NOX4: variants seen among roughly 807,000 people sequenced by gnomAD.
NOX4 encodes the protein NADPH oxidase 4.
NOX4 carries 69 observed loss-of-function variants against 87.6 expected under a neutral mutation model. The ratio of observed to expected loss-of-function variants is 0.79; its 90% CI spans 0.65 to 0.96. NOX4 has a LOEUF of 0.96. Ranked by LOEUF, NOX4 falls within the 40% of genes least tolerant of loss-of-function variation. NOX4 has a pLI of 0.00. For synonymous variants in NOX4, 275 were observed against 238.2 expected, an observed-to-expected ratio of 1.15 and a Z score of -1.42; for missense variants, 680 against 681.5, an observed-to-expected ratio of 1.00 and a Z score of 0.02.
chr11:89,328,590 T>G (rs1332268629), intron 17 of NOX4, among the ~76,000 whole-genome samples: 17 of 152,106 alleles, frequency 1.1e-4, no homozygotes, highest in Admixed American at 9.2e-4. Context: ...AACTTTAAAA[T>G]GTACAGAAAT....
intron 8 of NOX4, among the ~76,000 whole-genome samples, chr11:89,416,846 C>A (rs1448741477): frequency 1.3e-5 from 2 of 152,112 alleles, no homozygotes; most frequent in East Asian, 3.9e-4. Context: ...CTCTTGCTAA[C>A]AAGTAGTGCC....
chr11:89,338,237 C>T (rs2135378735), intron 15 of NOX4, among the ~76,000 whole-genome samples: 1 of 152,182 alleles, frequency 6.6e-6, no homozygotes, highest in Admixed American at 6.6e-5. Flanking sequence ...CTATAAGTGA[C>T]AGCATAATAT....
the NOX4 span, among the ~76,000 whole-genome samples, chr11:89,519,209 A>G: frequency 9.2e-5 from 14 of 152,202 alleles, no homozygotes; most frequent in African/African-American, 3.4e-4. Context: ...GCATAAAAGA[A>G]AGTCACTTCA....
At chr11:89,422,185 TG>T (rs1943118905) in intron 7 of NOX4, among the ~76,000 whole-genome samples, 1 of 152,186 alleles carries the variant, frequency 6.6e-6, no homozygotes, top group South Asian at 2.1e-4. Context: ...TTTATCATTT[TG>T]TAAGTTCTTT....
At chr11:89,327,903 A>T (rs1945285882) in intron 17 of NOX4, among the ~76,000 whole-genome samples, 1 of 152,196 alleles carries the variant, frequency 6.6e-6, no homozygotes, top group African/African-American at 2.4e-5. Flanking sequence ...AAAAGCAAAC[A>T]AAATAGATGA....
chr11:89,569,739 C>T, the NOX4 span, among the ~76,000 whole-genome samples: 1 of 152,146 alleles, frequency 6.6e-6, no homozygotes, highest in Non-Finnish European at 1.5e-5. Flanking sequence ...TGCAGTGGCT[C>T]ACACCTGTAA....
At chr11:89,508,845 A>G in the NOX4 span, among the ~76,000 whole-genome samples, 1,639 of 152,196 alleles carry the variant, frequency 0.011, 30 homozygotes, top group African/African-American at 0.038. Flanking sequence ...AAGTTCACAA[A>G]GCAACAAAGT....
chr11:89,502,534 G>T (rs1281021809), upstream of NOX4, among the ~76,000 whole-genome samples: 1 of 151,948 alleles, frequency 6.6e-6, no homozygotes, highest in Non-Finnish European at 1.5e-5. Context: ...TGACCTCCTG[G>T]AGCAAAGGTC....
chr11:89,476,304 A>ATATG (rs927694853), intron 2 of NOX4, among the ~76,000 whole-genome samples: 137 of 152,084 alleles, frequency 9.0e-4, no homozygotes, highest in African/African-American at 3.3e-3. Context: ...GTAACTATAT[A>ATATG]TATGTAGCTT....
chr11:89,439,622 G>C (rs1394867383), intron 6 of NOX4, among the ~76,000 whole-genome samples: 1 of 152,080 alleles, frequency 6.6e-6, no homozygotes, highest in African/African-American at 2.4e-5. Flanking sequence ...ATTTATGATA[G>C]AGCATCTCAA....
At chr11:89,528,389 G>T in the NOX4 span, among the ~76,000 whole-genome samples, 2 of 152,158 alleles carry the variant, frequency 1.3e-5, no homozygotes, top group Non-Finnish European at 2.9e-5. Context: ...TCTGAAATGT[G>T]AAATGAACAT....
intron 17 of NOX4, among the ~76,000 whole-genome samples, chr11:89,333,595 TA>T (rs1945567985): frequency 6.6e-6 from 1 of 151,798 alleles, no homozygotes; most frequent in Non-Finnish European, 1.5e-5. Context: ...TTCTGAAAGA[TA>T]AAAACTGTTG....
the NOX4 span, among the ~76,000 whole-genome samples, chr11:89,542,894 G>A: frequency 1.3e-5 from 2 of 152,206 alleles, no homozygotes; most frequent in Non-Finnish European, 2.9e-5. Flanking sequence ...GAAGATAGGG[G>A]ATTTAAGAAT....
chr11:89,343,860 T>C (rs1158206393), intron 13 of NOX4, among the ~76,000 whole-genome samples: 1 of 152,090 alleles, frequency 6.6e-6, no homozygotes, highest in East Asian at 1.9e-4. Flanking sequence ...ATTGTGTATC[T>C]AAGATAATTC....
chr11:89,470,502 G>A (rs888648783), intron 2 of NOX4, among the ~76,000 whole-genome samples: 1 of 152,114 alleles, frequency 6.6e-6, no homozygotes, highest in Non-Finnish European at 1.5e-5. Flanking sequence ...AATACCAAAA[G>A]TGATTACCCA....
intron 7 of NOX4, among the ~76,000 whole-genome samples, chr11:89,430,287 C>T (rs1047257288): frequency 6.6e-6 from 1 of 152,158 alleles, no homozygotes; most frequent in Non-Finnish European, 1.5e-5. Context: ...CCTTTGAAAA[C>T]TGGCACAAGA....
the NOX4 span, among the ~76,000 whole-genome samples, chr11:89,505,339 T>C: frequency 6.6e-6 from 1 of 151,956 alleles, no homozygotes; most frequent in Non-Finnish European, 1.5e-5. Context: ...GCCCGATAAG[T>C]TGTTAAATGA....
intron 8 of NOX4, among the ~76,000 whole-genome samples, chr11:89,408,520 T>G (rs1278333750): frequency 6.6e-6 from 1 of 152,174 alleles, no homozygotes; most frequent in Non-Finnish European, 1.5e-5. Context: ...CCAGTGTGCC[T>G]CAGGAAATCC....
At chr11:89,336,645 C>T (rs1329175516) in intron 16 of NOX4, among the ~76,000 whole-genome samples, 1 of 151,888 alleles carries the variant, frequency 6.6e-6, no homozygotes, top group Non-Finnish European at 1.5e-5. Flanking sequence ...GGCAGGCAAA[C>T]TGAGAACCAG....
Sources: allele counts gnomAD v4.1 joint callset (sites outside exome capture counted in the v4.1 genomes callset), GRCh38; gene constraint gnomAD v4.1.1; transcripts MANE v1.5; gene names NCBI Gene and HGNC (gene_info 2026-07-23, HGNC 2026-07-21).